Variants in HSPA12A observed in about 807,000 individuals in gnomAD.
HSPA12A encodes the protein heat shock 70 kDa protein 12A.
HSPA12A carries 28 observed loss-of-function variants against 69.2 expected under a neutral mutation model. That is an observed-to-expected ratio of 0.40 (90% CI 0.30 to 0.55). The LOEUF (loss-of-function observed/expected upper bound fraction) is 0.55, where lower values mean the gene tolerates loss of function less well. Ranked by LOEUF, HSPA12A falls within the 20% of genes least tolerant of loss-of-function variation. The pLI is 0.38. For missense variants in HSPA12A, 686 were observed against 900.7 expected, an observed-to-expected ratio of 0.76 and a Z score of 3.05; for synonymous variants, 345 against 370.5, an observed-to-expected ratio of 0.93 and a Z score of 0.79.
At chr10:116,703,886 C>A (rs1026918893) in intron 3 of HSPA12A, among the ~76,000 whole-genome samples, 7 of 152,240 alleles carry the variant, frequency 4.6e-5, no homozygotes, top group Non-Finnish European at 7.3e-5. Flanking sequence ...AGATTCCCCT[C>A]ATGCTGCCTT....
At chr10:116,773,213 A>G (rs1844252907) in intron 2 of HSPA12A, among the ~76,000 whole-genome samples, 1 of 152,344 alleles carries the variant, frequency 6.6e-6, no homozygotes, top group African/African-American at 2.4e-5. Context: ...GGGCCCAGGC[A>G]TTTCCCCAGC....
At chr10:116,782,777 T>G (rs1315317987) in intron 2 of HSPA12A, among the ~76,000 whole-genome samples, 1 of 152,164 alleles carries the variant, frequency 6.6e-6, no homozygotes, top group Non-Finnish European at 1.5e-5. Flanking sequence ...CACCAAGGCT[T>G]GTGCAAGTAG....
intron 2 of HSPA12A, among the ~76,000 whole-genome samples, chr10:116,795,701 AAAAT>A (rs1454084542): frequency 3.0e-5 from 4 of 134,476 alleles, no homozygotes; most frequent in Admixed American, 7.8e-5. Flanking sequence ...AAAAAAAAAA[AAAAT>A]TATAGTAAAT....
intron 2 of HSPA12A, among the ~76,000 whole-genome samples, chr10:116,755,851 C>T (rs973199394): frequency 3.3e-5 from 5 of 150,898 alleles, no homozygotes; most frequent in East Asian, 1.9e-4. Context: ...AAGAGCCAGG[C>T]GTGGTGGGGC....
chr10:116,684,680 C>G (rs1564776435), intron 6 of HSPA12A, among the ~76,000 whole-genome samples: 1 of 152,144 alleles, frequency 6.6e-6, no homozygotes, highest in Non-Finnish European at 1.5e-5. Context: ...TTATTCAAAG[C>G]CTCCACCCTT....
chr10:116,721,215 G>T (rs1850765971), intron 1 of HSPA12A, among the ~76,000 whole-genome samples: 1 of 152,176 alleles, frequency 6.6e-6, no homozygotes, highest in African/African-American at 2.4e-5. Flanking sequence ...AACTAATCTT[G>T]AAAGCAGTTG....
At chr10:116,740,929 A>C (rs1166618058) in intron 1 of HSPA12A, among the ~76,000 whole-genome samples, 1 of 148,980 alleles carries the variant, frequency 6.7e-6, no homozygotes, top group African/African-American at 2.5e-5. Flanking sequence ...CGTCCTAAAA[A>C]TTTTTTTATT....
At chr10:116,703,050 T>C (rs1554881812) in intron 3 of HSPA12A, among the ~76,000 whole-genome samples, 1 of 152,238 alleles carries the variant, frequency 6.6e-6, no homozygotes, top group Non-Finnish European at 1.5e-5. Flanking sequence ...TAATGGCATA[T>C]TCTTTTCCAC....
intron 1 of HSPA12A, among the ~76,000 whole-genome samples, chr10:116,836,768 A>AACAC (rs75862523): frequency 0.029 from 4,178 of 146,574 alleles, 64 homozygotes; most frequent in Middle Eastern, 0.048. Flanking sequence ...AAACGAACCG[A>AACAC]ACACACACAC....
intron 2 of HSPA12A, among the ~76,000 whole-genome samples, chr10:116,828,358 G>C (rs950938584): frequency 3.3e-5 from 5 of 152,154 alleles, no homozygotes; most frequent in South Asian, 2.1e-4. Context: ...GCCTGTGGTA[G>C]ACAGGCAGGA....
chr10:116,844,511 G>A (rs1845848625), intron 1 of HSPA12A, among the ~76,000 whole-genome samples: 1 of 152,146 alleles, frequency 6.6e-6, no homozygotes, highest in African/African-American at 2.4e-5. Flanking sequence ...GGGTGAGGAA[G>A]GTTAATGTTA....
intron 2 of HSPA12A, among the ~76,000 whole-genome samples, chr10:116,762,125 G>A (rs1554889344): frequency 3.9e-5 from 6 of 152,158 alleles, no homozygotes; most frequent in Admixed American, 6.5e-5. Context: ...TTGTCCTCAC[G>A]GACCTTTGGC....
chr10:116,796,239 C>T (rs1844824746), intron 2 of HSPA12A, among the ~76,000 whole-genome samples: 1 of 151,724 alleles, frequency 6.6e-6, no homozygotes, highest in African/African-American at 2.4e-5. Context: ...ACTTGTATAG[C>T]ATCTGGTACT....
intron 2 of HSPA12A, among the ~76,000 whole-genome samples, chr10:116,768,801 G>A (rs80059266): frequency 0.02 from 3,051 of 152,162 alleles, 90 homozygotes; most frequent in African/African-American, 0.067. Context: ...CACTTAGCCC[G>A]GCTCAATTAT....
chr10:116,836,129 T>C (rs1263159225), intron 1 of HSPA12A, among the ~76,000 whole-genome samples: 1 of 152,170 alleles, frequency 6.6e-6, no homozygotes, highest in East Asian at 1.9e-4. Flanking sequence ...AGGAGGTGTC[T>C]GTTTTTGACC....
intron 2 of HSPA12A, among the ~76,000 whole-genome samples, chr10:116,772,913 G>T (rs1427416092): frequency 1.3e-5 from 2 of 151,914 alleles, no homozygotes; most frequent in Non-Finnish European, 2.9e-5. Flanking sequence ...TGCTGCCTAG[G>T]CTGGTCTTGA....
At chr10:116,734,253 C>A (rs1554886179) in intron 1 of HSPA12A, among the ~76,000 whole-genome samples, 2 of 151,858 alleles carry the variant, frequency 1.3e-5, no homozygotes, top group Non-Finnish European at 2.9e-5. Context: ...AGTTTGAGAC[C>A]CGCCTGGCCA....
chr10:116,744,758 C>T (rs1485772764), upstream of HSPA12A, among the ~76,000 whole-genome samples: 4 of 152,206 alleles, frequency 2.6e-5, no homozygotes, highest in Non-Finnish European at 4.4e-5. Context: ...GTGGCCCTTG[C>T]GGTTTTGCAG....
chr10:116,723,403 G>C lies in HSPA12A; in HGVS notation c.41-16118C>G, dbSNP rs1312591790. Among the ~76,000 whole-genome samples the C allele has an allele frequency of 2.6e-5, 4 of 152,176 alleles. No individual in the cohort carries two copies. Among genetic ancestry groups the C allele is most frequent in the African/African-American group, 7.2e-5 (3 of 41,446 alleles). ...CTCCAAATAGGCACAGCCCCAAGCTGTTCTTCCAGGGGCAGGGGACGGGGC... is the reference window on the plus strand; with the variant it reads ...CTCCAAATAGGCACAGCCCCAAGCTCTTCTTCCAGGGGCAGGGGACGGGGC... On this transcript the variant is annotated intron_variant, in intron 1 of 11. Transcript: ENST00000369209. This position sits in a 1 kb window ranked among gnomAD's most constrained non-coding sequence, Gnocchi z 4.1.
Sources: gnomAD v4.1 joint callset for allele counts (sites outside exome capture counted in the v4.1 genomes callset) on GRCh38, gnomAD v4.1.1 for gene constraint, Gnocchi (gnomAD v3.1) non-coding constraint, MANE v1.5 for transcripts, NCBI Gene and HGNC (gene_info 2026-07-23, HGNC 2026-07-21) for gene names.